The following MYLK4 variants were observed in gnomAD, a reference collection of about 807,000 sequenced individuals.
MYLK4 encodes myosin light chain kinase family member 4, also known as caMLCK like.
In MYLK4, 46 loss-of-function variants were observed where a neutral mutation model predicts 48.1. The ratio of observed to expected loss-of-function variants is 0.96; its 90% CI spans 0.75 to 1.22. The LOEUF is 1.22. Among genes scored for constraint, MYLK4 ranks in the 50% most tolerant of loss-of-function variants. The pLI is 0.00. For missense variants in MYLK4, 451 were observed against 486.1 expected (o/e 0.93, Z 0.68); for synonymous variants, 170 against 180.8 (o/e 0.94, Z 0.48).
At chr6:2,760,870 T>C in the MYLK4 span, among the ~76,000 whole-genome samples, 1 of 151,956 alleles carries the variant, frequency 6.6e-6, no homozygotes, top group African/African-American at 2.4e-5. Flanking sequence ...TTCCAGAAGA[T>C]GTAGTGGAAA....
chr6:2,692,779 G>A lies in MYLK4; in HGVS notation c.235+5C>T, dbSNP rs1352100600. 2 of 1,612,960 alleles carry A rather than the reference G, an allele frequency of 1.2e-6. No homozygotes were observed. Among genetic ancestry groups the A allele is most frequent in the East Asian group, 2.2e-5 (1 of 44,864 alleles). On this transcript the variant is annotated splice_donor_5th_base_variant and intron_variant, in intron 3 of 12. Transcript: ENST00000274643. ...CATAACTATCTACTTTTCTAAAGAT[G>A]TTACCTGCGAGGGCTGATGTCCTTT...
At chr6:2,736,075 G>A (rs532816718) in intron 2 of MYLK4, among the ~76,000 whole-genome samples, 29 of 152,190 alleles carry the variant, frequency 1.9e-4, no homozygotes, top group African/African-American at 6.5e-4. Context: ...AAACCAGCAC[G>A]CCCCAAAGCA....
chr6:2,763,718 G>A, the MYLK4 span, among the ~76,000 whole-genome samples: 51 of 152,360 alleles, frequency 3.3e-4, 1 homozygote, highest in African/African-American at 1.2e-3. Flanking sequence ...AGCTCCCATA[G>A]TACAGCGGCA....
chr6:2,711,605 G>A (rs2113250900), intron 2 of MYLK4, among the ~76,000 whole-genome samples: 1 of 152,274 alleles, frequency 6.6e-6, no homozygotes. Flanking sequence ...TCCTGCATGA[G>A]CTTTGCTATG....
chr6:2,740,777 G>A (rs1429512889), intron 2 of MYLK4, among the ~76,000 whole-genome samples: 1 of 152,190 alleles, frequency 6.6e-6, no homozygotes, highest in Non-Finnish European at 1.5e-5. Context: ...ACTAAACGCT[G>A]CCTACGATCA....
At chr6:2,669,952 G>A (rs12200414) in intron 12 of MYLK4, among the ~76,000 whole-genome samples, 9,442 of 152,246 alleles carry the variant, frequency 0.062, 316 homozygotes, top group Middle Eastern at 0.085. Context: ...TTACTATGAG[G>A]TACTGATTCA....
intron 10 of MYLK4, 104 bp from the exon 11 acceptor site, chr6:2,675,229 C>T (rs980745888): frequency 2.7e-5 from 21 of 777,972 alleles, no homozygotes; most frequent in Non-Finnish European, 4.1e-5. Context: ...ACCAGATGGC[C>T]GAATGTCAAC....
chr6:2,743,995 A>G (rs1007746036), intron 2 of MYLK4: 5 of 398,968 alleles, frequency 1.3e-5, no homozygotes. Flanking sequence ...GGCACACGCT[A>G]CCTACAACCC....
intron 4 of MYLK4, among the ~76,000 whole-genome samples, chr6:2,686,369 TA>T (rs1761550537): frequency 6.6e-6 from 1 of 152,266 alleles, no homozygotes; most frequent in African/African-American, 2.4e-5. Flanking sequence ...ATACTGCATA[TA>T]CATCCATATA....
intron 2 of MYLK4, among the ~76,000 whole-genome samples, chr6:2,704,454 T>C (rs1368295029): frequency 6.6e-6 from 1 of 152,188 alleles, no homozygotes; most frequent in Non-Finnish European, 1.5e-5. Context: ...CTCAGTATGG[T>C]TTTTGAAGTA....
At chr6:2,766,379 C>G in the MYLK4 span, 29 of 1,608,634 alleles carry the variant, frequency 1.8e-5, no homozygotes, top group Non-Finnish European at 2.2e-5. Flanking sequence ...TACCCTGCTG[C>G]GCTCGCTCCT....
At chr6:2,749,427 A>G (rs2296355) in intron 1 of MYLK4, 21 bp from the exon 2 acceptor site, 204,057 of 670,714 alleles carry the variant, frequency 0.3, 32,205 homozygotes, top group South Asian at 0.4. Flanking sequence ...AGGAAACACA[A>G]AAAGTTCTCA....
the MYLK4 span, chr6:2,768,962 A>G: frequency 7.2e-7 from 1 of 1,391,764 alleles, no homozygotes; most frequent in South Asian, 1.5e-5. Flanking sequence ...TACAAACGCT[A>G]GAGACTTACG....
chr6:2,674,270 T>G lies in MYLK4; in HGVS notation c.1119+777A>C, dbSNP rs970669701. On this transcript the variant is annotated intron_variant, in intron 11 of 12. Transcript: ENST00000274643. ...GTCTAAGAGTCTCCCACACATAGAC[T>G]TGTATAGATACCCGGACTAAGCTGA... is the stretch of plus-strand genomic sequence containing the variant. Among the ~76,000 whole-genome samples the G allele has an allele frequency of 1.3e-4, 20 of 152,326 alleles. No homozygotes were observed. In the East Asian group the frequency reaches 2.5e-3, roughly 19 times the overall value.
rs189142661 is a variant in MYLK4 at position 2,670,161 on chromosome 6, T to A, written c.*25+1115A>T. On this transcript the variant is annotated intron_variant, in intron 12 of 12. Transcript: ENST00000274643. ...CGGGCAGATCACCTTAGGTCAGGAG[T>A]TTGAGACCAGCCTGGCTAACATGGT... Among the ~76,000 whole-genome samples, 178 of 151,358 alleles carry A rather than the reference T, an allele frequency of 1.2e-3. 1 individual carries two copies. The highest frequency in any genetic ancestry group is 2.3e-3 in the Admixed American group (35 of 15,214).
At chr6:2,769,089 A>G in the MYLK4 span, among the ~76,000 whole-genome samples, 6 of 152,198 alleles carry the variant, frequency 3.9e-5, no homozygotes, top group African/African-American at 1.4e-4. Context: ...TGATAAATGA[A>G]ATGGTTGGCA....
chr6:2,672,900 G>C lies in MYLK4; in HGVS notation c.1120-1552C>G, dbSNP rs571625956. 6.6e-6 allele frequency among the ~76,000 whole-genome samples: 1 copy of C among 152,086 alleles called. No homozygotes were observed. Among genetic ancestry groups the C allele is most frequent in the Non-Finnish European group, 1.5e-5 (1 of 68,016 alleles). On this transcript the variant is annotated intron_variant, in intron 11 of 12. Coordinates refer to ENST00000274643, the MANE Select transcript of MYLK4 (RefSeq NM_001012418.5). This position sits in a 1 kb window ranked among gnomAD's most constrained non-coding sequence, Gnocchi z 4.3. Reference sequence around the variant, plus strand: ...TGCCCATTTTGTGCGTTGCTATGAGGAGTCAGTGAGTTATTTTTTGTAAAG... The same window carrying C: ...TGCCCATTTTGTGCGTTGCTATGAGCAGTCAGTGAGTTATTTTTTGTAAAG...
At chr6:2,722,328 C>A (rs1171029995) in intron 2 of MYLK4, among the ~76,000 whole-genome samples, 1 of 152,056 alleles carries the variant, frequency 6.6e-6, no homozygotes, top group Non-Finnish European at 1.5e-5. Flanking sequence ...TCAAGGCAAC[C>A]AATAACTCCA....
intron 11 of MYLK4, 137 bp downstream of exon 11, chr6:2,674,910 A>T: frequency 1.3e-6 from 1 of 746,702 alleles, no homozygotes; most frequent in Non-Finnish European, 2.2e-6. Flanking sequence ...TAAGTAATTT[A>T]ATACTGCACA....
Sources: allele counts gnomAD v4.1 joint callset (sites outside exome capture counted in the v4.1 genomes callset), GRCh38; gene constraint gnomAD v4.1.1; non-coding constraint Gnocchi (gnomAD v3.1); transcripts MANE v1.5; gene names NCBI Gene and HGNC (gene_info 2026-07-23, HGNC 2026-07-21).